The following STYXL1 variants were observed in gnomAD, a reference collection of about 807,000 sequenced individuals.
STYXL1 encodes the protein serine/threonine/tyrosine-interacting-like protein 1.
In STYXL1, 32 loss-of-function variants were observed where a neutral mutation model predicts 36.4. That is an observed-to-expected ratio of 0.88 (90% confidence interval 0.66 to 1.18). The LOEUF (loss-of-function observed/expected upper bound fraction) is 1.18, where lower values mean the gene tolerates loss of function less well. Among genes scored for constraint, STYXL1 ranks in the 50% most tolerant of loss-of-function variants. The pLI is 0.00. For synonymous variants in STYXL1, 133 were observed against 144.1 expected (o/e 0.92, Z 0.55); for missense variants, 354 against 394.1 (o/e 0.90, Z 0.86).
intron 1 of STYXL1, among the ~76,000 whole-genome samples, chr7:76,033,971 G>A (rs1795670561): frequency 6.6e-6 from 1 of 152,086 alleles, no homozygotes; most frequent in Non-Finnish European, 1.5e-5. Context: ...GAATAATATT[G>A]CCACTTCTAT....
chr7:76,007,550 T>C (rs80171070), intron 5 of STYXL1, among the ~76,000 whole-genome samples: 11,986 of 152,168 alleles, frequency 0.079, 555 homozygotes, highest in South Asian at 0.14. Context: ...CCTCCATGGA[T>C]ACTGGACAAC....
In STYXL1 at chr7:76,013,945, C is replaced by T. The variant is rs1792927091; in HGVS notation, c.308-58G>A. On this transcript the variant is annotated intron_variant, in intron 4 of 8. Transcript: ENST00000359697. The stretch of plus-strand genomic sequence containing the variant: ...CTGTGTATCTGCCATTGGTCTAGAG[C>T]TGGGATAGATGACCACTTTCTTCTG... 4 of 1,511,316 alleles carry T rather than the reference C, an allele frequency of 2.6e-6. No homozygotes were observed. In the Admixed American group the frequency reaches 8.9e-5, roughly 33 times the overall value. The allele number at this position is 1,511,316 out of a possible 1,614,324, so 93.6% of individuals were successfully genotyped here.
chr7:75,998,132 A>C (rs1014795221), intron 8 of STYXL1, among the ~76,000 whole-genome samples: 1 of 152,198 alleles, frequency 6.6e-6, no homozygotes, highest in Non-Finnish European at 1.5e-5. Context: ...CCCATAAAAA[A>C]TATTTAAGAA....
chr7:76,007,129 A>C (rs1208189340), intron 5 of STYXL1, among the ~76,000 whole-genome samples: 1 of 152,200 alleles, frequency 6.6e-6, no homozygotes, highest in African/African-American at 2.4e-5. Context: ...AGATGATTTA[A>C]AGTATACACA....
intron 8 of STYXL1, chr7:75,998,949 CAAG>C (rs1265810750): frequency 3.3e-5 from 5 of 152,188 alleles, no homozygotes; most frequent in Admixed American, 6.5e-5. Flanking sequence ...AAAACTCACA[CAAG>C]AAGAAACAGA....
At chr7:76,031,586 G>A (rs549271367) in intron 1 of STYXL1, among the ~76,000 whole-genome samples, 3 of 148,736 alleles carry the variant, frequency 2.0e-5, no homozygotes, top group Admixed American at 2.0e-4. Flanking sequence ...ATGGTGGCAG[G>A]CACCTGTAAT....
rs1055935675 is a variant in STYXL1 at position 75,997,516 on chromosome 7, G to A, written c.811-917C>T. ...CACAGCTAACATCACACTCAATGGCGAAAGATAAAGTTTTTCCTCTAAGAT... is the reference window on the plus strand; with the variant it reads ...CACAGCTAACATCACACTCAATGGCAAAAGATAAAGTTTTTCCTCTAAGAT... On this transcript the variant is annotated intron_variant, in intron 8 of 8. Coordinates refer to ENST00000359697, the MANE Select transcript of STYXL1 (RefSeq NM_001317785.2). 6.6e-5 allele frequency among the ~76,000 whole-genome samples: 10 copies of A among 152,310 alleles called. No homozygotes were observed. In the East Asian group the frequency reaches 7.7e-4, roughly 12 times the overall value.
chr7:76,046,310 G>A (rs1797001802), intron 1 of STYXL1, among the ~76,000 whole-genome samples: 1 of 80,064 alleles, frequency 1.2e-5, no homozygotes, highest in East Asian at 3.9e-4. Context: ...GTGTGTGTGT[G>A]TGTGTGTGTG....
chr7:76,016,651 TC>T (rs1302560177), intron 4 of STYXL1, among the ~76,000 whole-genome samples: 1 of 152,084 alleles, frequency 6.6e-6, no homozygotes, highest in African/African-American at 2.4e-5. Context: ...ACATCACTAA[TC>T]ATCAGAGAAA....
intron 3 of STYXL1, among the ~76,000 whole-genome samples, chr7:76,027,163 CG>C: frequency 6.6e-6 from 1 of 152,102 alleles, no homozygotes; most frequent in African/African-American, 2.4e-5. Context: ...AGGGGAGAGA[CG>C]GGTCCTGGGC....
chr7:76,007,896 CAA>C (rs34975812), intron 5 of STYXL1, among the ~76,000 whole-genome samples: 41 of 107,028 alleles, frequency 3.8e-4, no homozygotes, highest in African/African-American at 7.6e-4. Context: ...GCCTGTCTCT[CAA>C]AAAAAAAAAA....
intron 5 of STYXL1, among the ~76,000 whole-genome samples, chr7:76,009,951 T>C (rs1255453451): frequency 6.6e-6 from 1 of 152,120 alleles, no homozygotes; most frequent in Non-Finnish European, 1.5e-5. Context: ...GTGACTAGAC[T>C]AGGAGCAAAG....
chr7:76,041,237 G>C (rs1387885893), intron 1 of STYXL1, among the ~76,000 whole-genome samples: 1 of 151,666 alleles, frequency 6.6e-6, no homozygotes. Flanking sequence ...TATGACTTTA[G>C]AGTTGAAGAG....
At chr7:76,010,342 G>A (rs1321656078) in intron 5 of STYXL1, among the ~76,000 whole-genome samples, 1 of 152,134 alleles carries the variant, frequency 6.6e-6, no homozygotes, top group African/African-American at 2.4e-5. Flanking sequence ...GATGTCTTTG[G>A]GAGCCAGGCA....
chr7:76,001,648 C>A (rs1790944065), intron 7 of STYXL1, among the ~76,000 whole-genome samples: 1 of 152,028 alleles, frequency 6.6e-6, no homozygotes, highest in South Asian at 2.1e-4. Context: ...CACCTGCCAC[C>A]ACGCCCAGCT....
chr7:76,014,285 T>C (rs1333501446), intron 4 of STYXL1, among the ~76,000 whole-genome samples: 2 of 151,628 alleles, frequency 1.3e-5, no homozygotes, highest in African/African-American at 4.8e-5. Context: ...TGAAATGCAA[T>C]TATTTAGGAA....
chr7:76,023,486 C>G (rs1004722203), intron 3 of STYXL1, among the ~76,000 whole-genome samples: 1 of 152,062 alleles, frequency 6.6e-6, no homozygotes, highest in Non-Finnish European at 1.5e-5. Context: ...ACTTCAGCCT[C>G]CTGAGTAGCT....
intron 6 of STYXL1, among the ~76,000 whole-genome samples, chr7:76,004,662 C>T (rs558210772): frequency 2.0e-5 from 3 of 151,072 alleles, no homozygotes; most frequent in Non-Finnish European, 4.4e-5. Context: ...CAAGATTGTG[C>T]CACTGCACTC....
At chr7:76,007,392 C>A (rs1791918134) in intron 5 of STYXL1, among the ~76,000 whole-genome samples, 2 of 152,102 alleles carry the variant, frequency 1.3e-5, no homozygotes, top group Admixed American at 1.3e-4. Context: ...TGCCACTGCA[C>A]CCCAGCCTGG....
Sources: gnomAD v4.1 joint callset for allele counts (sites outside exome capture counted in the v4.1 genomes callset) on GRCh38, gnomAD v4.1.1 for gene constraint, MANE v1.5 for transcripts, NCBI Gene and HGNC (gene_info 2026-07-23, HGNC 2026-07-21) for gene names.